The following KANSL1L variants were observed in gnomAD, a reference collection of about 807,000 sequenced individuals.
KANSL1L encodes the protein KAT8 regulatory NSL complex subunit 1 like.
A neutral mutation model predicts 108.6 loss-of-function variants in KANSL1L; 25 were observed. The ratio of observed to expected loss-of-function variants is 0.23; its 90% CI spans 0.17 to 0.32. The LOEUF is 0.32. KANSL1L is among the 10% of genes least tolerant of loss of function. The probability of loss-of-function intolerance (pLI) is 1.00; values close to 1 mark genes in which losing one functional copy is unlikely to be tolerated. For synonymous variants in KANSL1L, 405 were observed against 395.1 expected (o/e 1.03, Z -0.30); for missense variants, 1,137 against 1,125.7 (o/e 1.01, Z -0.14).
At chr2:210,125,438 G>C (rs772949891) in intron 3 of KANSL1L, among the ~76,000 whole-genome samples, 87 of 152,220 alleles carry the variant, frequency 5.7e-4, no homozygotes, top group Middle Eastern at 3.4e-3. Context: ...AAAAATCAAA[G>C]AGGAAGGAAC....
chr2:210,075,415 T>A (rs1003547064), intron 6 of KANSL1L, 137 bp downstream of exon 6: 17 of 629,872 alleles, frequency 2.7e-5, no homozygotes, highest in Middle Eastern at 6.5e-4. Context: ...ATATCATTTT[T>A]AAACTATATT....
At chr2:210,114,571 T>C (rs1378765472) in intron 3 of KANSL1L, among the ~76,000 whole-genome samples, 1 of 152,190 alleles carries the variant, frequency 6.6e-6, no homozygotes, top group African/African-American at 2.4e-5. Flanking sequence ...ACAGCTAGTA[T>C]TATTGTAACA....
At chr2:210,027,150 A>C (rs554248776) in intron 12 of KANSL1L, 146 bp downstream of exon 12, 1 of 560,994 alleles carries the variant, frequency 1.8e-6, no homozygotes, top group African/African-American at 1.9e-5. Flanking sequence ...ATATTCTTTT[A>C]AAAGAACTTC....
At position 210,023,062 on chromosome 2, in the gene KANSL1L, T is replaced by G. The variant is rs2093882466; in HGVS notation, c.2851A>C (p.Ile951Leu). 1.9e-6 allele frequency: 3 copies of G among 1,613,870 alleles called. No individual in the cohort carries two copies. The highest frequency in any genetic ancestry group is 1.3e-5 in the African/African-American group (1 of 74,912). Residue 951 changes from isoleucine (I) to leucine (L), a missense_variant, in exon 15 of 15, where the codon ATC becomes CTC. This residue lies in a region of KANSL1L where 575 missense variants were observed against 567.1 expected (regional missense o/e 1.01). Transcript: ENST00000281772. ...TTCTCTGGTACACTGGTACCGAAGA[T>G]TTCACCATGGAAAGCTGTGCTTGAC... ...ERSSTAFHGE[I>L]FGTSVPENGH...
chr2:210,076,340 C>A (rs1353713876), intron 5 of KANSL1L, among the ~76,000 whole-genome samples: 3 of 152,064 alleles, frequency 2.0e-5, no homozygotes, highest in Non-Finnish European at 4.4e-5. Context: ...TGCCATCATG[C>A]CTGCTACCTG....
At chr2:210,140,790 T>A (rs977196059) in intron 2 of KANSL1L, among the ~76,000 whole-genome samples, 1 of 152,198 alleles carries the variant, frequency 6.6e-6, no homozygotes, top group African/African-American at 2.4e-5. Context: ...ACAGGATGTT[T>A]TTCCATTTGT....
chr2:210,115,089 C>A (rs552062124), intron 3 of KANSL1L, among the ~76,000 whole-genome samples: 1 of 152,094 alleles, frequency 6.6e-6, no homozygotes, highest in South Asian at 2.1e-4. Flanking sequence ...GTAAGTCTAT[C>A]CTTTTTAGTA....
chr2:210,091,889 AAT>A (rs1304643410), intron 5 of KANSL1L, among the ~76,000 whole-genome samples: 1 of 152,080 alleles, frequency 6.6e-6, no homozygotes, highest in African/African-American at 2.4e-5. Flanking sequence ...TTTGTCTCAA[AAT>A]GTTTGTCCTT....
chr2:210,114,612 T>C (rs938941894), intron 3 of KANSL1L, among the ~76,000 whole-genome samples: 5 of 152,160 alleles, frequency 3.3e-5, no homozygotes, highest in African/African-American at 1.2e-4. Context: ...TTCTACATGA[T>C]TTAAATAACT....
At position 210,079,704 on chromosome 2, in the gene KANSL1L, A is replaced by ATATATATATATATGTATGTGTGTG. The variant is rs1559540024; in HGVS notation, c.1551-3949_1551-3948insCACACACATACATATATATATATA. ...TATATATATATATGTATGTGTGTATATATATATATATATATATATATGGTT... is the reference window on the plus strand; with the variant it reads ...TATATATATATATGTATGTGTGTATATATATATATATATGTATGTGTGTGTATATATATATATATATATATGGTT... On this transcript the variant is annotated intron_variant, in intron 5 of 14. Transcript: ENST00000281772. The ATATATATATATATGTATGTGTGTG allele has an allele frequency of 4.2e-3, 365 of 86,268 alleles. 43 individuals carry two copies. The highest frequency in any genetic ancestry group is 5.9e-3 in the Non-Finnish European group (266 of 45,426). The allele number at this position is 86,268 out of a possible 1,614,324, so 5.3% of individuals were successfully genotyped here. A position where few individuals can be genotyped will look rare whatever the true frequency, so the allele number is the denominator to read the frequency against.
intron 6 of KANSL1L, among the ~76,000 whole-genome samples, chr2:210,068,060 T>TA (rs1211969118): frequency 1.3e-5 from 2 of 151,884 alleles, no homozygotes; most frequent in African/African-American, 4.8e-5. Context: ...GTATTTTTAG[T>TA]AGAGATGAGG....
chr2:210,133,254 T>G (rs1575592140), intron 2 of KANSL1L, among the ~76,000 whole-genome samples: 1 of 152,132 alleles, frequency 6.6e-6, no homozygotes, highest in African/African-American at 2.4e-5. Flanking sequence ...GCTTATAATA[T>G]CTAATACAAT....
chr2:210,135,109 T>C (rs2095162226), intron 2 of KANSL1L, among the ~76,000 whole-genome samples: 1 of 152,148 alleles, frequency 6.6e-6, no homozygotes, highest in Non-Finnish European at 1.5e-5. Context: ...ATATGGCCCA[T>C]TCTTTTTTTT....
At chr2:210,086,628 A>G (rs1249492617) in intron 5 of KANSL1L, among the ~76,000 whole-genome samples, 1 of 152,142 alleles carries the variant, frequency 6.6e-6, no homozygotes, top group African/African-American at 2.4e-5. Context: ...CTTTAAATGC[A>G]CTGTGAGGAC....
intron 3 of KANSL1L, among the ~76,000 whole-genome samples, chr2:210,114,429 T>C (rs1295998577): frequency 6.6e-6 from 1 of 152,130 alleles, no homozygotes; most frequent in Non-Finnish European, 1.5e-5. Flanking sequence ...GAGAGAGTCA[T>C]TTACCAGTAG....
chr2:210,073,134 CTT>C (rs1301843185), intron 6 of KANSL1L, among the ~76,000 whole-genome samples: 1 of 152,010 alleles, frequency 6.6e-6, no homozygotes, highest in East Asian at 1.9e-4. Flanking sequence ...TTCAACATGT[CTT>C]TATCATTTTT....
chr2:210,055,775 G>T (rs967497292), intron 6 of KANSL1L, among the ~76,000 whole-genome samples: 1 of 152,220 alleles, frequency 6.6e-6, no homozygotes, highest in Non-Finnish European at 1.5e-5. Flanking sequence ...TCTGGTGGAA[G>T]AAATTTCTAA....
At position 210,125,211 on chromosome 2, in the gene KANSL1L, G is replaced by A. The variant is rs192680475; in HGVS notation, c.1230+3820C>T. 1.9e-4 allele frequency among the ~76,000 whole-genome samples: 29 copies of A among 152,178 alleles called. No individual in the cohort carries two copies. The East Asian group carries it at 2.3e-3, about 12-fold the overall frequency. On this transcript the variant is annotated intron_variant, in intron 3 of 14. Transcript: ENST00000281772. ...AGAGGTTGCAGTGAGCCGAGATTGCGCCACGGCACTCCAGCCTGGGCAACA... is the reference window on the plus strand; with the variant it reads ...AGAGGTTGCAGTGAGCCGAGATTGCACCACGGCACTCCAGCCTGGGCAACA...
chr2:210,134,426 T>C (rs2095155562), intron 2 of KANSL1L, among the ~76,000 whole-genome samples: 1 of 151,948 alleles, frequency 6.6e-6, no homozygotes, highest in Admixed American at 6.6e-5. Context: ...CATGTGCACA[T>C]ACATACACAC....
Sources: gnomAD v4.1 joint callset for allele counts (sites outside exome capture counted in the v4.1 genomes callset) on GRCh38, gnomAD v4.1.1 for gene constraint, gnomAD v4.1.1 regional missense constraint, MANE v1.5 for transcripts, NCBI Gene and HGNC (gene_info 2026-07-23, HGNC 2026-07-21) for gene names.